Variants in TPST2 observed in about 807,000 individuals in gnomAD.
TPST2 encodes the protein protein-tyrosine sulfotransferase 2.
TPST2 carries 16 observed loss-of-function variants against 27.8 expected under a neutral mutation model. The observed-to-expected ratio is 0.58, with a 90% CI of 0.39 to 0.88. The LOEUF is 0.88. Ranked by LOEUF, TPST2 falls within the 40% of genes least tolerant of loss-of-function variation. TPST2 has a pLI of 0.00. For synonymous variants in TPST2, 229 were observed against 231.7 expected, an observed-to-expected ratio of 0.99 and a Z score of 0.10; for missense variants, 464 against 543.1, an observed-to-expected ratio of 0.85 and a Z score of 1.45.
At chr22:26,537,716 G>A (rs1398206937) in intron 3 of TPST2, among the ~76,000 whole-genome samples, 1 of 152,192 alleles carries the variant, frequency 6.6e-6, no homozygotes, top group Non-Finnish European at 1.5e-5. Context: ...GCCTCCCAAA[G>A]TGCTGGGATT....
rs767335845 is a variant in TPST2, at chr22:26,541,332, G to T, written c.299C>A (p.Thr100Asn). ...AHPEVRCGEE[T>N]RIIPRVLAMR... ...GGCCAGCACGCGCGGGATGATGCGG[G>T]TCTCCTCGCCGCAGCGCACCTCGGG... Residue 100 changes from threonine to asparagine, a missense_variant, in exon 3 of 7, where the codon ACC becomes AAC. Transcript: ENST00000338754. This position sits in a 1 kb window ranked among gnomAD's most constrained non-coding sequence, Gnocchi z 5.9. The T allele has an allele frequency of 6.5e-7, 1 of 1,548,264 alleles. No individual in the cohort carries two copies. The highest frequency in any genetic ancestry group is 1.9e-5 in the Admixed American group (1 of 52,464).
At chr22:26,532,818 T>C (rs1231887402) in intron 4 of TPST2, 73 bp from the exon 5 acceptor site, 44 of 1,437,636 alleles carry the variant, frequency 3.1e-5, no homozygotes, top group Admixed American at 8.7e-5. Flanking sequence ...TCCCAACACA[T>C]CCAGTCATCC....
intron 1 of TPST2, among the ~76,000 whole-genome samples, chr22:26,566,524 A>G (rs1485894065): frequency 6.6e-6 from 1 of 151,866 alleles, no homozygotes; most frequent in Non-Finnish European, 1.5e-5. Context: ...CTGAACTCCA[A>G]CTTGGTGACA....
rs769834144 is a variant in TPST2, at chr22:26,541,043, T to C, written c.588A>G (p.Lys196=). The change falls in exon 3 of 7, where the codon AAA becomes AAG. Residue 196 remains lysine, a synonymous_variant. Coordinates refer to ENST00000338754, the MANE Select transcript of TPST2 (RefSeq NM_003595.5). The surrounding 1 kb of genome is among the most constrained non-coding windows in gnomAD (Gnocchi z 5.9). ...RASVHSMITR[K]VTIAGFDLSS... ...TGAGGTCAAAGCCCGCAATGGTGAC[T>C]TTGCGCGTGATCATGGAGTGCACGG... The C allele has an allele frequency of 3.1e-6, 5 of 1,613,950 alleles. No individual in the cohort carries two copies. Among genetic ancestry groups the C allele is most frequent in the Non-Finnish European group, 4.2e-6 (5 of 1,179,992 alleles).
chr22:26,554,814 T>C (rs1421105486), intron 1 of TPST2, among the ~76,000 whole-genome samples: 1 of 152,214 alleles, frequency 6.6e-6, no homozygotes, highest in Non-Finnish European at 1.5e-5. Context: ...GGTGAATGCC[T>C]GTAATCCCAG....
At chr22:26,552,373 G>A (rs753698008) in intron 1 of TPST2, among the ~76,000 whole-genome samples, 3 of 152,140 alleles carry the variant, frequency 2.0e-5, no homozygotes, top group Non-Finnish European at 4.4e-5. Flanking sequence ...GAGGGTGGGC[G>A]CTATTATTAG....
At chr22:26,542,241 A>T (rs1280642983) in intron 2 of TPST2, among the ~76,000 whole-genome samples, 1 of 39,416 alleles carries the variant, frequency 2.5e-5, no homozygotes, top group African/African-American at 6.3e-5. Context: ...GACTCCGTCT[A>T]AAAAAAAAAA....
chr22:26,542,394 A>G (rs1413523620), intron 2 of TPST2, among the ~76,000 whole-genome samples: 1 of 151,654 alleles, frequency 6.6e-6, no homozygotes, highest in African/African-American at 2.4e-5. Flanking sequence ...TAATTTTTAG[A>G]AACAGGGTCT....
At chr22:26,585,998 A>G (rs539635219) in intron 1 of TPST2, among the ~76,000 whole-genome samples, 29 of 152,214 alleles carry the variant, frequency 1.9e-4, no homozygotes, top group African/African-American at 5.5e-4. Context: ...AGCCGAGATC[A>G]CGCCACTGCA....
chr22:26,532,721 G>A lies in TPST2; in HGVS notation c.1066C>T (p.Pro356Ser), dbSNP rs1285029031. ...TGAAAATATCCTTTCAGATTGGCTG[G>A]TGTTTTATAGTCCCCTTTCAAGACC... ...QRVLKGDYKT[P>S]ANLKGYFQVN... Residue 356 changes from proline (P) to serine (S), a missense_variant, in exon 5 of 7, where the codon CCA becomes TCA. Pro to Ser is a moderately conservative substitution (Grantham distance 74). Transcript: ENST00000338754. The A allele has an allele frequency of 5.0e-6, 8 of 1,613,956 alleles. No individual in the cohort carries two copies. The highest frequency in any genetic ancestry group is 3.3e-5 in the South Asian group (3 of 91,036).
chr22:26,581,792 T>C (rs1416768300), intron 1 of TPST2, among the ~76,000 whole-genome samples: 1 of 152,190 alleles, frequency 6.6e-6, no homozygotes, highest in African/African-American at 2.4e-5. Flanking sequence ...TTTTATAACT[T>C]GTAGGGACTC....
rs1320773312 is a variant in TPST2 at position 26,541,948 on chromosome 22, G to A, written c.-88-230C>T. ...TGTTTCCCAGGCTGCTCTTGAACTC[G>A]TGGGCCTGGGTGATCCTCCTACCTG... On this transcript the variant is annotated intron_variant, in intron 2 of 6. Coordinates refer to ENST00000338754, the MANE Select transcript of TPST2 (RefSeq NM_003595.5). The surrounding 1 kb of genome is among the most constrained non-coding windows in gnomAD (Gnocchi z 5.9). 6.6e-6 allele frequency among the ~76,000 whole-genome samples: 1 copy of A among 151,960 alleles called. No homozygotes were observed. Among genetic ancestry groups the A allele is most frequent in the Non-Finnish European group, 1.5e-5 (1 of 67,984 alleles).
chr22:26,557,213 G>A (rs1926847483), intron 1 of TPST2, among the ~76,000 whole-genome samples: 1 of 152,224 alleles, frequency 6.6e-6, no homozygotes, highest in African/African-American at 2.4e-5. Context: ...CTGTACACAT[G>A]GCCCTGAGGG....
intron 5 of TPST2, among the ~76,000 whole-genome samples, chr22:26,530,757 C>T (rs1001512007): frequency 6.6e-6 from 1 of 152,062 alleles, no homozygotes; most frequent in African/African-American, 2.4e-5. Context: ...CGCCTGTAAT[C>T]CCAGCATTTT....
At position 26,541,870 on chromosome 22, in the gene TPST2, C is replaced by T. The variant is rs1232280959; in HGVS notation, c.-88-152G>A. 6.6e-6 allele frequency among the ~76,000 whole-genome samples: 1 copy of T among 152,196 alleles called. No individual in the cohort carries two copies. The highest frequency in any genetic ancestry group is 1.5e-5 in the Non-Finnish European group (1 of 68,044). ...CACTAGCTGTGTGCCTGGCACCCTG[C>T]TGGGCACTTTTTTCAATTTTTTTTG... On this transcript the variant is annotated intron_variant, in intron 2 of 6. Transcript: ENST00000338754. This position sits in a 1 kb window ranked among gnomAD's most constrained non-coding sequence, Gnocchi z 5.9.
At chr22:26,587,692 C>T (rs148371579) in intron 1 of TPST2, among the ~76,000 whole-genome samples, 217 of 152,244 alleles carry the variant, frequency 1.4e-3, no homozygotes, top group African/African-American at 4.8e-3. Context: ...AGGGTTATGA[C>T]TGCTTCAGAG....
At chr22:26,570,477 CA>C (rs1374736874) in intron 1 of TPST2, among the ~76,000 whole-genome samples, 1 of 152,124 alleles carries the variant, frequency 6.6e-6, no homozygotes, top group African/African-American at 2.4e-5. Flanking sequence ...AAAACGTTTA[CA>C]GGGTTTTTCC....
intron 1 of TPST2, chr22:26,555,413 G>A (rs138333951): frequency 3.3e-5 from 12 of 365,000 alleles, no homozygotes; most frequent in African/African-American, 1.9e-4. Flanking sequence ...CGATCTTGGT[G>A]TGGCCACTCA....
intron 5 of TPST2, 23 bp downstream of exon 5, chr22:26,532,672 G>C: frequency 6.2e-7 from 1 of 1,613,068 alleles, no homozygotes; most frequent in South Asian, 1.1e-5. Context: ...ACAGAATTCG[G>C]AATTCCCCTT....
Sources: allele counts gnomAD v4.1 joint callset (sites outside exome capture counted in the v4.1 genomes callset), GRCh38; gene constraint gnomAD v4.1.1; non-coding constraint Gnocchi (gnomAD v3.1); transcripts MANE v1.5; gene names NCBI Gene and HGNC (gene_info 2026-07-23, HGNC 2026-07-21).